The following CDH13 variants were observed in gnomAD, a reference collection of about 807,000 sequenced individuals.
CDH13 encodes the protein cadherin 13, also known as cadherin-13.
In CDH13, 24 loss-of-function variants were observed where a neutral mutation model predicts 63.8. The observed-to-expected ratio is 0.38, with a 90% CI of 0.27 to 0.53. The LOEUF (loss-of-function observed/expected upper bound fraction) is 0.53, where lower values mean the gene tolerates loss of function less well. CDH13 is among the 20% of genes least tolerant of loss of function. CDH13 has a pLI of 0.85. For synonymous variants in CDH13, 503 were observed against 355.3 expected (o/e 1.42, Z -4.67); for missense variants, 1,049 against 903.1 (o/e 1.16, Z -2.07).
chr16:83,756,924 C>A (rs947312973), intron 11 of CDH13, among the ~76,000 whole-genome samples: 28 of 152,192 alleles, frequency 1.8e-4, no homozygotes, highest in African/African-American at 6.3e-4. Context: ...AAATAATTAA[C>A]AAATTTCATC....
At chr16:83,000,293 G>C (rs12933010) in intron 2 of CDH13, among the ~76,000 whole-genome samples, 1 of 106,062 alleles carries the variant, frequency 9.4e-6, no homozygotes, top group Non-Finnish European at 1.7e-5. Flanking sequence ...TTGTTGCCCA[G>C]ACTGTAGTGC....
intron 6 of CDH13, among the ~76,000 whole-genome samples, chr16:83,447,742 A>G (rs992412630): frequency 6.7e-6 from 1 of 149,012 alleles, no homozygotes; most frequent in African/African-American, 2.4e-5. Context: ...ATATTAAATT[A>G]TATTTTATAT....
chr16:83,705,478 C>T (rs111464349), intron 10 of CDH13, among the ~76,000 whole-genome samples: 15,740 of 151,962 alleles, frequency 0.1, 1,050 homozygotes, highest in Non-Finnish European at 0.15. Flanking sequence ...AAAAATTAGC[C>T]GGGCATGATG....
At chr16:82,788,330 C>T (rs957331812) in intron 1 of CDH13, among the ~76,000 whole-genome samples, 5 of 152,198 alleles carry the variant, frequency 3.3e-5, no homozygotes, top group Admixed American at 1.3e-4. Flanking sequence ...CTGCCTGTAC[C>T]TCCAGCAGGT....
At chr16:83,455,111 C>T (rs908249905) in intron 6 of CDH13, among the ~76,000 whole-genome samples, 1 of 152,178 alleles carries the variant, frequency 6.6e-6, no homozygotes, top group Non-Finnish European at 1.5e-5. Flanking sequence ...AATTGATGCT[C>T]AGAGAGATTG....
At chr16:83,209,847 G>A (rs2039288895) in intron 4 of CDH13, among the ~76,000 whole-genome samples, 1 of 152,040 alleles carries the variant, frequency 6.6e-6, no homozygotes, top group African/African-American at 2.4e-5. Context: ...AAGGTTCAGT[G>A]GGTAAGTAAT....
chr16:82,687,200 G>C (rs1597323892), intron 1 of CDH13, among the ~76,000 whole-genome samples: 1 of 152,198 alleles, frequency 6.6e-6, no homozygotes, highest in African/African-American at 2.4e-5. Context: ...GGAAAGGTCA[G>C]TGCCTGTGAA....
chr16:83,133,898 C>T (rs542687186), intron 4 of CDH13, among the ~76,000 whole-genome samples: 9 of 152,326 alleles, frequency 5.9e-5, no homozygotes, highest in African/African-American at 1.9e-4. Flanking sequence ...TTCCCACTAA[C>T]TGTAATTCAT....
At chr16:82,748,407 T>C (rs2034273721) in intron 1 of CDH13, among the ~76,000 whole-genome samples, 1 of 152,204 alleles carries the variant, frequency 6.6e-6, no homozygotes, top group South Asian at 2.1e-4. Context: ...ATCGTGTGTG[T>C]GATTTGACAG....
intron 10 of CDH13, among the ~76,000 whole-genome samples, chr16:83,737,172 A>G (rs1246739031): frequency 6.6e-6 from 1 of 152,158 alleles, no homozygotes; most frequent in Admixed American, 6.5e-5. Context: ...CCTGCCCACT[A>G]TTGAAAGTGA....
rs368133344 is a variant in CDH13, at chr16:83,636,845, C to T, written c.1102-33945C>T. Among the ~76,000 whole-genome samples, 29 of 152,274 alleles carry T rather than the reference C, an allele frequency of 1.9e-4. No individual in the cohort carries two copies. The South Asian group carries it at 2.3e-3, about 12-fold the overall frequency. On this transcript the variant is annotated intron_variant, in intron 8 of 13. Coordinates refer to ENST00000567109, the MANE Select transcript of CDH13 (RefSeq NM_001257.5). ...TTTGAGAAATGTCCAGACTGCTCTC[C>T]GCAATGGCTGAACTAATCTACATTC... is the stretch of plus-strand genomic sequence containing the variant.
chr16:83,722,623 G>A (rs1005560077), intron 10 of CDH13, among the ~76,000 whole-genome samples: 1 of 152,186 alleles, frequency 6.6e-6, no homozygotes, highest in Non-Finnish European at 1.5e-5. Flanking sequence ...GAAATCAAAT[G>A]AGAGAAGTCT....
Position 83,731,118 on chromosome 16 carries a change from T to C in CDH13, c.1539-16990T>C, listed in dbSNP as rs575790912. ...CTTGCCATTGTGCATTGTGCTGTGATAAACATACAAGTGCATGTGTCTTTT... is the reference window on the plus strand; with the variant it reads ...CTTGCCATTGTGCATTGTGCTGTGACAAACATACAAGTGCATGTGTCTTTT... On this transcript the variant is annotated intron_variant, in intron 10 of 13. Coordinates refer to ENST00000567109, the MANE Select transcript of CDH13 (RefSeq NM_001257.5). 1.4e-4 allele frequency among the ~76,000 whole-genome samples: 22 copies of C among 152,370 alleles called. No individual in the cohort carries two copies. The East Asian group carries it at 3.9e-3, about 27-fold the overall frequency.
rs1904275644 is a variant in CDH13, at chr16:83,795,156, G to C, written c.*126G>C. 5.5e-6 allele frequency: 4 copies of C among 725,782 alleles called. No homozygotes were observed. Among genetic ancestry groups the C allele is most frequent in the South Asian group, 5.4e-5 (3 of 55,586 alleles). The allele number at this position is 725,782 out of a possible 1,614,324, so 45.0% of individuals were successfully genotyped here. A position where few individuals can be genotyped will look rare whatever the true frequency, so the allele number is the denominator to read the frequency against. ...TCACAACTAGGCCTCAATTGTTCCG[G>C]TTTTTTATTTTCTTTACAATTTCAC... is the stretch of plus-strand genomic sequence containing the variant. On this transcript the variant is annotated 3_prime_UTR_variant, in exon 14 of 14. Coordinates refer to ENST00000567109, the MANE Select transcript of CDH13 (RefSeq NM_001257.5).
At chr16:83,042,697 C>T (rs1453581792) in intron 3 of CDH13, among the ~76,000 whole-genome samples, 4 of 152,152 alleles carry the variant, frequency 2.6e-5, no homozygotes, top group African/African-American at 9.7e-5. Flanking sequence ...CTAAATAATT[C>T]CTGAAAATGA....
intron 2 of CDH13, among the ~76,000 whole-genome samples, chr16:82,878,515 C>G (rs1047475096): frequency 2.1e-5 from 2 of 93,054 alleles, no homozygotes; most frequent in African/African-American, 3.7e-5. Flanking sequence ...AAAGAATTCC[C>G]TCTCTAAACA....
At chr16:83,608,395 G>C (rs1309427932) in intron 8 of CDH13, among the ~76,000 whole-genome samples, 2 of 152,322 alleles carry the variant, frequency 1.3e-5, no homozygotes, top group East Asian at 3.9e-4. Context: ...ATGAATGCTG[G>C]AGTCCAGGCT....
chr16:83,143,652 G>A (rs1415556653), intron 4 of CDH13, among the ~76,000 whole-genome samples: 1 of 152,146 alleles, frequency 6.6e-6, no homozygotes, highest in African/African-American at 2.4e-5. Context: ...AAACAATTGT[G>A]TTAAAATCTC....
intron 1 of CDH13, among the ~76,000 whole-genome samples, chr16:82,671,289 C>T (rs953286669): frequency 1.1e-4 from 16 of 152,236 alleles, no homozygotes; most frequent in South Asian, 4.2e-4. Flanking sequence ...GTGTGGTCTT[C>T]CTTTGTTTGG....
Sources: gnomAD v4.1 joint callset for allele counts (sites outside exome capture counted in the v4.1 genomes callset) on GRCh38, gnomAD v4.1.1 for gene constraint, MANE v1.5 for transcripts, NCBI Gene and HGNC (gene_info 2026-07-23, HGNC 2026-07-21) for gene names.